ETNK2: variants seen among roughly 807,000 people sequenced by gnomAD.
ETNK2 encodes ethanolamine kinase 2.
Under a neutral mutation model 46.2 loss-of-function variants are expected in ETNK2, and 33 were observed. The ratio of observed to expected loss-of-function variants is 0.71; its 90% CI spans 0.54 to 0.96. ETNK2 has a LOEUF of 0.96. Among genes scored for constraint, ETNK2 ranks in the 40% least tolerant of loss-of-function variants. ETNK2 has a pLI of 0.00. For synonymous variants in ETNK2, 194 were observed against 209.0 expected (o/e 0.93, Z 0.62); for missense variants, 445 against 509.7 (o/e 0.87, Z 1.22).
chr1:204,151,725 G>T lies in ETNK2; in HGVS notation c.128C>A (p.Pro43Gln). The T allele has an allele frequency of 6.5e-7, 1 of 1,537,180 alleles. No individual in the cohort carries two copies. Among genetic ancestry groups the T allele is most frequent in the Non-Finnish European group, 8.8e-7 (1 of 1,142,318 alleles). Residue 43 changes from proline (P) to glutamine (Q), a missense_variant, in exon 1 of 8, where the codon CCG becomes CAG. Coordinates refer to ENST00000367202, the MANE Select transcript of ETNK2 (RefSeq NM_018208.4). This position sits in a 1 kb window ranked among gnomAD's most constrained non-coding sequence, Gnocchi z 8.0. ...AAASASCREP[P>Q]GPPRAAAVAY... is the part of the protein sequence containing the mutation. ...GACGGCGGCGGCCCTCGGGGGGCCC[G>T]GCGGCTCCCGGCAGCTGGCGCTGGC...
At chr1:204,133,935 C>T (rs960163175) in intron 7 of ETNK2, among the ~76,000 whole-genome samples, 3 of 152,182 alleles carry the variant, frequency 2.0e-5, no homozygotes, top group Admixed American at 2.0e-4. Context: ...AAGGGCAAGG[C>T]CCTGGACCAG....
At chr1:204,139,054 G>A (rs1419111567) in intron 5 of ETNK2, 1 of 152,110 alleles carries the variant, frequency 6.6e-6, no homozygotes, top group African/African-American at 2.4e-5. Flanking sequence ...TATGAGGTAG[G>A]TACTATCATC....
chr1:204,144,327 C>A (rs1290769849), intron 3 of ETNK2, among the ~76,000 whole-genome samples: 1 of 77,618 alleles, frequency 1.3e-5, no homozygotes, highest in South Asian at 4.6e-4. Flanking sequence ...GCCTGGGCAA[C>A]AGAGTGAGAA....
intron 2 of ETNK2, chr1:204,147,359 C>A: frequency 2.0e-6 from 1 of 501,374 alleles, no homozygotes; most frequent in South Asian, 1.5e-5. Flanking sequence ...AGCCAGCGTT[C>A]TATTTTCAAG....
chr1:204,134,684 C>T (rs777569920), intron 6 of ETNK2, 96 bp from the exon 7 acceptor site: 1 of 1,611,086 alleles, frequency 6.2e-7, no homozygotes, highest in African/African-American at 1.3e-5. Context: ...GGAAGACACA[C>T]AGCTAGGACC....
intron 6 of ETNK2, among the ~76,000 whole-genome samples, chr1:204,136,713 C>CAA (rs1345415026): frequency 1.2e-5 from 1 of 80,066 alleles, no homozygotes; most frequent in African/African-American, 4.4e-5. Flanking sequence ...GACTCTGCCT[C>CAA]AAAAAAAAAA....
rs35373627 is a variant in ETNK2, at chr1:204,136,403, G to GTATATATATATATATATA, written c.1014+683_1014+700dup. On this transcript the variant is annotated intron_variant, in intron 6 of 7. Coordinates refer to ENST00000367202, the MANE Select transcript of ETNK2 (RefSeq NM_018208.4). ...AGAGCGGGACCCTGTCTCAAAAAAA[G>GTATATATATATATATATA]TATATATATATATATATATATATAT... is the stretch of plus-strand genomic sequence containing the variant. Among the ~76,000 whole-genome samples, 395 of 139,724 alleles carry GTATATATATATATATATA rather than the reference G, an allele frequency of 2.8e-3. 3 individuals carry two copies. Among genetic ancestry groups the GTATATATATATATATATA allele is most frequent in the African/African-American group, 9.5e-3 (348 of 36,690 alleles). The allele number at this position is 139,724 out of a possible 152,430, so 91.7% of individuals were successfully genotyped here.
At position 204,150,078 on chromosome 1, in the gene ETNK2, A is replaced by AC. The variant is rs920485279; in HGVS notation, c.259-117dup. 3.0e-5 allele frequency: 35 copies of AC among 1,166,918 alleles called. No homozygotes were observed. In the African/African-American group the frequency reaches 5.3e-4, roughly 18 times the overall value. The allele number at this position is 1,166,918 out of a possible 1,614,324, so 72.3% of individuals were successfully genotyped here. A position where few individuals can be genotyped will look rare whatever the true frequency, so the allele number is the denominator to read the frequency against. ...GCTCATTTGAATGCCGAGCACAACC[A>AC]CCCCAAGCCCCCAGTGCTTTAGCCC... is the stretch of plus-strand genomic sequence containing the variant. On this transcript the variant is annotated intron_variant, in intron 1 of 7. Transcript: ENST00000367202.
Position 204,151,249 on chromosome 1 carries a change from A to T in ETNK2, c.258+346T>A. 4.7e-6 allele frequency: 2 copies of T among 423,452 alleles called. No individual in the cohort carries two copies. The highest frequency in any genetic ancestry group is 2.6e-5 in the South Asian group (1 of 38,056). The allele number at this position is 423,452 out of a possible 1,614,324, so 26.2% of individuals were successfully genotyped here. ...GTCTCTTAAAAGTTCCCGCCTCCTCAGGTTTCAGAGCTGGCTGGGTACGCG... is the reference window on the plus strand; with the variant it reads ...GTCTCTTAAAAGTTCCCGCCTCCTCTGGTTTCAGAGCTGGCTGGGTACGCG... On this transcript the variant is annotated intron_variant, in intron 1 of 7. Coordinates refer to ENST00000367202, the MANE Select transcript of ETNK2 (RefSeq NM_018208.4). The surrounding 1 kb of genome is among the most constrained non-coding windows in gnomAD (Gnocchi z 8.0).
intron 6 of ETNK2, 37 bp from the exon 7 acceptor site, chr1:204,134,625 C>T: frequency 4.3e-6 from 7 of 1,614,022 alleles, no homozygotes; most frequent in Non-Finnish European, 5.9e-6. Flanking sequence ...CTGGCAATCT[C>T]CCCATGCCTG....
chr1:204,147,553 G>C (rs375136601), intron 2 of ETNK2: 2 of 533,088 alleles, frequency 3.8e-6, no homozygotes, highest in Non-Finnish European at 7.7e-6. Context: ...CTTCCCTTCC[G>C]CTGTCCCACC....
chr1:204,149,868 G>A lies in ETNK2; in HGVS notation c.353C>T (p.Thr118Met), dbSNP rs528212957. 2 of 1,595,286 alleles carry A rather than the reference G, an allele frequency of 1.3e-6. No homozygotes were observed. The highest frequency in any genetic ancestry group is 1.7e-6 in the Non-Finnish European group (2 of 1,171,124). ...ATTCTCCCGGTCCACCAGCAGCTCCGTCCGCTCCCCATACACCCGGACCAG... is the reference window on the plus strand; with the variant it reads ...ATTCTCCCGGTCCACCAGCAGCTCCATCCGCTCCCCATACACCCGGACCAG... Reference protein sequence around the residue: ...CVLVRVYGERTELLVDRENEV... With the variant: ...CVLVRVYGERMELLVDRENEV... Residue 118 changes from threonine to methionine, a missense_variant, in exon 2 of 8, where the codon ACG becomes ATG. Physicochemically the swap from Thr to Met is moderately conservative, Grantham distance 81. Coordinates refer to ENST00000367202, the MANE Select transcript of ETNK2 (RefSeq NM_018208.4).
chr1:204,141,011 A>C (rs1488867181), intron 4 of ETNK2: 2 of 417,232 alleles, frequency 4.8e-6, no homozygotes. Flanking sequence ...TTTTTTGTAG[A>C]GACAGGGTCT....
chr1:204,132,116 G>T lies in ETNK2; in HGVS notation c.*68C>A. 1.6e-6 allele frequency: 2 copies of T among 1,261,226 alleles called. No individual in the cohort carries two copies. Among genetic ancestry groups the T allele is most frequent in the Non-Finnish European group, 2.3e-6 (2 of 883,222 alleles). 78.1% of individuals were successfully genotyped at this position (1,261,226 alleles called of 1,614,324 possible). A position where few individuals can be genotyped will look rare whatever the true frequency, so the allele number is the denominator to read the frequency against. On this transcript the variant is annotated 3_prime_UTR_variant, in exon 8 of 8. Transcript: ENST00000367202. ...CCTGTCCAAGGGTGTGGATCCCAGAGTGCAGAATTGAGCTCTGGAGAACAG... is the reference window on the plus strand; with the variant it reads ...CCTGTCCAAGGGTGTGGATCCCAGATTGCAGAATTGAGCTCTGGAGAACAG...
At chr1:204,144,574 G>A (rs1446261295) in intron 3 of ETNK2, among the ~76,000 whole-genome samples, 1 of 151,932 alleles carries the variant, frequency 6.6e-6, no homozygotes, top group Non-Finnish European at 1.5e-5. Context: ...TCTTCCTAAA[G>A]CCCAGTCCTG....
chr1:204,138,060 A>G (rs1372679817), intron 5 of ETNK2, among the ~76,000 whole-genome samples: 1 of 152,138 alleles, frequency 6.6e-6, no homozygotes, highest in Non-Finnish European at 1.5e-5. Flanking sequence ...AGCTTCCTTT[A>G]TATCCCTGGA....
Position 204,140,032 on chromosome 1 carries a change from C to G in ETNK2, c.868+3G>C. Reference sequence around the variant, plus strand: ...CACATGACTGTAGAAATGCCCCTCTCACCTGCAAACTCATTGAAATGGTTG... The same window carrying G: ...CACATGACTGTAGAAATGCCCCTCTGACCTGCAAACTCATTGAAATGGTTG... On this transcript the variant is annotated splice_donor_region_variant and intron_variant, in intron 5 of 7. Transcript: ENST00000367202. The G allele has an allele frequency of 6.2e-7, 1 of 1,613,604 alleles. No individual in the cohort carries two copies. Among genetic ancestry groups the G allele is most frequent in the Non-Finnish European group, 8.5e-7 (1 of 1,179,524 alleles).
At chr1:204,136,485 G>A (rs926767960) in intron 6 of ETNK2, among the ~76,000 whole-genome samples, 25 of 150,660 alleles carry the variant, frequency 1.7e-4, no homozygotes, top group African/African-American at 5.9e-4. Context: ...AGAGGCGGGC[G>A]AATCACCTGA....
chr1:204,134,466 A>G (rs1394098031), intron 7 of ETNK2, 49 bp downstream of exon 7: 2 of 1,599,380 alleles, frequency 1.3e-6, no homozygotes, highest in Non-Finnish European at 1.7e-6. Flanking sequence ...CCTGGGCTCA[A>G]CCAAGGCTCT....
Sources: gnomAD v4.1 joint callset for allele counts (sites outside exome capture counted in the v4.1 genomes callset) on GRCh38, gnomAD v4.1.1 for gene constraint, Gnocchi (gnomAD v3.1) non-coding constraint, MANE v1.5 for transcripts, NCBI Gene and HGNC (gene_info 2026-07-23, HGNC 2026-07-21) for gene names.